HSPA4: variants seen among roughly 807,000 people sequenced by gnomAD.
The protein encoded by HSPA4 is heat shock protein family A (Hsp70) member 4, also known as heat shock 70 kDa protein 4.
Under a neutral mutation model 106.2 loss-of-function variants are expected in HSPA4, and 25 were observed. The observed-to-expected ratio is 0.24, with a 90% CI of 0.17 to 0.33. The LOEUF (loss-of-function observed/expected upper bound fraction) is 0.33. Ranked by LOEUF, HSPA4 falls within the 10% of genes least tolerant of loss-of-function variation. The pLI is 1.00. For synonymous variants in HSPA4, 332 were observed against 333.6 expected (o/e 1.00, Z 0.05); for missense variants, 841 against 996.0 (o/e 0.84, Z 2.10).
In HSPA4 at chr5:133,052,134, A is replaced by G; in HGVS notation, c.-117A>G. ...ACTTAGGCGCTCGCGTGGACACCGC[A>G]AGCCCCTCAGTAGCCTCGGCCCAAG... On this transcript the variant is annotated 5_prime_UTR_variant, in exon 1 of 19. Coordinates refer to ENST00000304858, the MANE Select transcript of HSPA4 (RefSeq NM_002154.4). 2 of 681,564 alleles carry G rather than the reference A, an allele frequency of 2.9e-6. No homozygotes were observed. The highest frequency in any genetic ancestry group is 5.0e-6 in the Non-Finnish European group (2 of 396,256). The allele number at this position is 681,564 out of a possible 1,614,324, so 42.2% of individuals were successfully genotyped here.
intron 14 of HSPA4, among the ~76,000 whole-genome samples, chr5:133,096,698 G>A (rs932729932): frequency 6.6e-6 from 1 of 152,174 alleles, no homozygotes; most frequent in African/African-American, 2.4e-5. Flanking sequence ...GTGATGCAAG[G>A]TTTGGGATTT....
At chr5:133,078,376 C>T (rs1036007827) in intron 7 of HSPA4, among the ~76,000 whole-genome samples, 1 of 151,546 alleles carries the variant, frequency 6.6e-6, no homozygotes. Flanking sequence ...CATGGTGGCT[C>T]ACTCCTGTAA....
At chr5:133,085,683 C>T (rs984485708) in intron 7 of HSPA4, among the ~76,000 whole-genome samples, 1 of 150,958 alleles carries the variant, frequency 6.6e-6, no homozygotes, top group Non-Finnish European at 1.5e-5. Context: ...GCCGCCCCCG[C>T]CCCCCAAAAA....
At chr5:133,052,485 G>C in intron 1 of HSPA4, 128 bp downstream of exon 1, 1 of 633,306 alleles carries the variant, frequency 1.6e-6, no homozygotes, top group South Asian at 2.0e-5. Flanking sequence ...GGTCCCGGTA[G>C]GTCAGGGACC....
intron 13 of HSPA4, among the ~76,000 whole-genome samples, chr5:133,093,301 T>C (rs986001773): frequency 1.3e-5 from 2 of 152,158 alleles, no homozygotes; most frequent in African/African-American, 4.8e-5. Context: ...GCCTTTAAAC[T>C]CTCTCCTGGT....
At position 133,091,514 on chromosome 5, in the gene HSPA4, C is replaced by G. The variant is rs368952501; in HGVS notation, c.1560+140C>G. On this transcript the variant is annotated intron_variant, in intron 12 of 18. Coordinates refer to ENST00000304858, the MANE Select transcript of HSPA4 (RefSeq NM_002154.4). The stretch of plus-strand genomic sequence containing the variant: ...GTGGGTTTGTATGTTTGCCCTTCCC[C>G]CAATATAAGTGAACCAGCAGTAGAT... The G allele has an allele frequency of 7.4e-5, 44 of 591,622 alleles. No individual in the cohort carries two copies. In the African/African-American group the frequency reaches 7.6e-4, roughly 10 times the overall value. 36.6% of individuals were successfully genotyped at this position (591,622 alleles called of 1,614,324 possible).
intron 13 of HSPA4, among the ~76,000 whole-genome samples, chr5:133,095,709 T>C (rs752854780): frequency 1.2e-4 from 19 of 152,232 alleles, no homozygotes; most frequent in South Asian, 2.1e-4. Flanking sequence ...GTAGGAGATA[T>C]GTATTTTATA....
At chr5:133,088,860 A>G (rs999800459) in intron 9 of HSPA4, among the ~76,000 whole-genome samples, 195 bp from the exon 10 acceptor site, 1 of 152,218 alleles carries the variant, frequency 6.6e-6, no homozygotes, top group African/African-American at 2.4e-5. Context: ...TTAATAGAAA[A>G]ATAAGGAATA....
intron 12 of HSPA4, 102 bp from the exon 13 acceptor site, chr5:133,092,598 T>C (rs1199195165): frequency 2.5e-6 from 2 of 796,676 alleles, no homozygotes; most frequent in African/African-American, 3.5e-5. Context: ...TTCTGATTGC[T>C]GGTAATTCAG....
At chr5:133,075,600 G>T (rs538406192) in intron 6 of HSPA4, among the ~76,000 whole-genome samples, 4 of 152,010 alleles carry the variant, frequency 2.6e-5, no homozygotes, top group African/African-American at 9.7e-5. Context: ...AGGCTGAGGT[G>T]GGGGGATTGC....
chr5:133,084,422 G>C (rs975570265), intron 7 of HSPA4, among the ~76,000 whole-genome samples: 1 of 152,076 alleles, frequency 6.6e-6, no homozygotes, highest in African/African-American at 2.4e-5. Context: ...CAGTATTGAG[G>C]TTAGCAATCC....
At position 133,070,360 on chromosome 5, in the gene HSPA4, T is replaced by A; in HGVS notation, c.307-14T>A. On this transcript the variant is annotated splice_polypyrimidine_tract_variant and intron_variant, in intron 3 of 18. Coordinates refer to ENST00000304858, the MANE Select transcript of HSPA4 (RefSeq NM_002154.4). ...AATATAATAAGTCTAGGCCCCTTTG[T>A]TGTTTTCTTGCAGGTGACATATATG... 1 of 1,606,562 alleles carries A rather than the reference T, an allele frequency of 6.2e-7. No homozygotes were observed.
intron 17 of HSPA4, among the ~76,000 whole-genome samples, chr5:133,103,243 T>C (rs1016931693): frequency 2.0e-4 from 30 of 151,930 alleles, no homozygotes; most frequent in African/African-American, 7.0e-4. Flanking sequence ...TTGTATTTTT[T>C]GTGGAGATGG....
At chr5:133,072,355 T>TCTACCACA (rs1581469793) in intron 4 of HSPA4, among the ~76,000 whole-genome samples, 1 of 149,610 alleles carries the variant, frequency 6.7e-6, no homozygotes, top group East Asian at 2.0e-4. Flanking sequence ...TGAAATGTCC[T>TCTACCACA]CTACCACAGG....
intron 12 of HSPA4, 91 bp downstream of exon 12, chr5:133,091,465 T>C: frequency 1.1e-6 from 1 of 931,948 alleles, no homozygotes; most frequent in Non-Finnish European, 1.6e-6. Flanking sequence ...GGCCGGAGCA[T>C]TGTGACAGAG....
At chr5:133,095,371 G>A (rs1171411093) in intron 13 of HSPA4, among the ~76,000 whole-genome samples, 1 of 152,166 alleles carries the variant, frequency 6.6e-6, no homozygotes, top group Non-Finnish European at 1.5e-5. Flanking sequence ...AATCCTAAGA[G>A]AAGAGTGGAT....
At chr5:133,102,051 C>T (rs183177309) in intron 17 of HSPA4, among the ~76,000 whole-genome samples, 173 bp downstream of exon 17, 5 of 151,734 alleles carry the variant, frequency 3.3e-5, no homozygotes, top group East Asian at 1.9e-4. Flanking sequence ...CTCAGCTTCC[C>T]GAGTAGCTGG....
intron 13 of HSPA4, among the ~76,000 whole-genome samples, chr5:133,094,846 A>G (rs1393548602): frequency 6.6e-6 from 1 of 152,224 alleles, no homozygotes; most frequent in Non-Finnish European, 1.5e-5. Flanking sequence ...CATAGAACAA[A>G]TTGAATTCCA....
intron 6 of HSPA4, 92 bp from the exon 7 acceptor site, chr5:133,076,562 T>C (rs1474606389): frequency 3.5e-6 from 4 of 1,141,690 alleles, no homozygotes; most frequent in Non-Finnish European, 5.0e-6. Context: ...TCCCTCTTTT[T>C]TTTTAGATAA....
Sources: allele counts gnomAD v4.1 joint callset (sites outside exome capture counted in the v4.1 genomes callset), GRCh38; gene constraint gnomAD v4.1.1; transcripts MANE v1.5; gene names NCBI Gene and HGNC (gene_info 2026-07-23, HGNC 2026-07-21).